MAGI2: variants seen among roughly 807,000 people sequenced by gnomAD.
The protein encoded by MAGI2 is membrane associated guanylate kinase, WW and PDZ domain containing 2.
In MAGI2, 35 loss-of-function variants were observed where a neutral mutation model predicts 133.3. The ratio of observed to expected loss-of-function variants is 0.26; its 90% CI spans 0.20 to 0.35. MAGI2 has a LOEUF of 0.35. Ranked by LOEUF, MAGI2 falls within the 10% of genes least tolerant of loss-of-function variation. The pLI is 1.00. For missense variants in MAGI2, 1,636 were observed against 1,863.4 expected (o/e 0.88, Z 2.25); for synonymous variants, 729 against 710.6 (o/e 1.03, Z -0.41).
intron 9 of MAGI2, among the ~76,000 whole-genome samples, chr7:78,266,438 A>G (rs1794012497): frequency 6.6e-6 from 1 of 152,084 alleles, no homozygotes; most frequent in Non-Finnish European, 1.5e-5. Flanking sequence ...CCTGGACTCA[A>G]GCAATCTGCC....
rs1827633855 is a variant in MAGI2, at chr7:78,185,778, A to G, written c.2270-108T>C. 13 of 757,244 alleles carry G rather than the reference A, an allele frequency of 1.7e-5. 1 individual carries two copies. In the South Asian group the frequency reaches 3.4e-4, roughly 20 times the overall value. 46.9% of individuals were successfully genotyped at this position (757,244 alleles called of 1,614,324 possible). On this transcript the variant is annotated intron_variant, in intron 12 of 21. Transcript: ENST00000354212. ...ATAACTCCCCCAACCACAATCTCAT[A>G]CTTATGTTTAAGACTTTTTTTTTCC...
chr7:78,895,537 C>T (rs1797143600), intron 2 of MAGI2, among the ~76,000 whole-genome samples: 1 of 151,160 alleles, frequency 6.6e-6, no homozygotes, highest in Non-Finnish European at 1.5e-5. Flanking sequence ...AAAAAAGTGG[C>T]TTTACTCAGT....
chr7:79,392,095 A>T (rs976615351), intron 1 of MAGI2, among the ~76,000 whole-genome samples: 2 of 152,136 alleles, frequency 1.3e-5, no homozygotes, highest in South Asian at 2.1e-4. Context: ...ACTTATGAGT[A>T]AGAACATCTG....
In MAGI2 at chr7:78,978,371, C is replaced by T. The variant is rs982497327; in HGVS notation, c.418+28719G>A. 2.6e-5 allele frequency among the ~76,000 whole-genome samples: 4 copies of T among 151,804 alleles called. No homozygotes were observed. In the East Asian group the frequency reaches 7.8e-4, roughly 30 times the overall value. On this transcript the variant is annotated intron_variant, in intron 2 of 21. Coordinates refer to ENST00000354212, the MANE Select transcript of MAGI2 (RefSeq NM_012301.4). ...ATGAGTTATGAAGACACATGAAAGACATGCATGAATTGTCAACCCATTTTT... is the reference window on the plus strand; with the variant it reads ...ATGAGTTATGAAGACACATGAAAGATATGCATGAATTGTCAACCCATTTTT...
intron 2 of MAGI2, among the ~76,000 whole-genome samples, chr7:78,952,734 A>C (rs1382801249): frequency 1.3e-5 from 2 of 152,178 alleles, no homozygotes; most frequent in Admixed American, 1.3e-4. Context: ...GCAGACTTTT[A>C]GATGGATTTA....
In MAGI2 at chr7:79,045,441, T is replaced by C. The variant is rs1018453758; in HGVS notation, c.302-38235A>G. On this transcript the variant is annotated intron_variant, in intron 1 of 21. Coordinates refer to ENST00000354212, the MANE Select transcript of MAGI2 (RefSeq NM_012301.4). ...CTTCATGATGTTATATAAATGAAGG[T>C]ACATGGTATATAATCTTTGAGATTG... Among the ~76,000 whole-genome samples the C allele has an allele frequency of 5.3e-5, 8 of 152,238 alleles. No individual in the cohort carries two copies. The East Asian group carries it at 1.5e-3, about 29-fold the overall frequency.
At chr7:79,329,432 T>C (rs1585592915) in intron 1 of MAGI2, among the ~76,000 whole-genome samples, 2 of 152,346 alleles carry the variant, frequency 1.3e-5, no homozygotes, top group Admixed American at 6.5e-5. Context: ...AGTTATTAAA[T>C]AAAAGGAAGT....
At chr7:78,133,922 T>C (rs185995565) in intron 17 of MAGI2, among the ~76,000 whole-genome samples, 1 of 152,242 alleles carries the variant, frequency 6.6e-6, no homozygotes, top group East Asian at 1.9e-4. Flanking sequence ...CCCCCCCCTT[T>C]TTTCCCCACA....
chr7:78,901,638 T>C (rs922422738), intron 2 of MAGI2: 1 of 151,882 alleles, frequency 6.6e-6, no homozygotes, highest in African/African-American at 2.4e-5. Context: ...TTTGTTGGTG[T>C]CATGTAGACA....
intron 2 of MAGI2, among the ~76,000 whole-genome samples, chr7:78,651,351 G>GT (rs550867267): frequency 8.5e-4 from 126 of 147,996 alleles, no homozygotes; most frequent in South Asian, 7.3e-3. Context: ...GATGAGGTAA[G>GT]TTTTTTTTTT....
intron 20 of MAGI2, among the ~76,000 whole-genome samples, chr7:78,113,729 C>T (rs149245669): frequency 1.6e-3 from 238 of 152,228 alleles, no homozygotes; most frequent in Middle Eastern, 6.8e-3. Flanking sequence ...CTTAATAATG[C>T]ATTTCTCAGA....
At chr7:78,806,867 C>CAAAATAAAATAAAATAAAATAAAAT (rs150570172) in intron 2 of MAGI2, among the ~76,000 whole-genome samples, 2 of 128,756 alleles carry the variant, frequency 1.6e-5, no homozygotes, top group African/African-American at 5.9e-5. Context: ...CACCCTGTCT[C>CAAAATAAAATAAAATAAAATAAAAT]AAAATAAAAT....
chr7:78,791,102 C>A (rs1408619330), intron 2 of MAGI2, among the ~76,000 whole-genome samples: 6 of 152,078 alleles, frequency 3.9e-5, no homozygotes, highest in Non-Finnish European at 5.9e-5. Flanking sequence ...AGAAAAACAA[C>A]AGGTTTGAGT....
rs552254769 is a variant in MAGI2, at chr7:78,017,100, C to CA, written c.*2214dup. 6 of 152,598 alleles carry CA rather than the reference C, an allele frequency of 3.9e-5. No homozygotes were observed. Among genetic ancestry groups the CA allele is most frequent in the Non-Finnish European group, 8.8e-5 (6 of 68,040 alleles). The allele number at this position is 152,598 out of a possible 1,614,324, so 9.5% of individuals were successfully genotyped here. A position where few individuals can be genotyped will look rare whatever the true frequency, so the allele number is the denominator to read the frequency against. The stretch of plus-strand genomic sequence containing the variant: ...ATTTTTGGATATATATTTTATTTGA[C>CA]AGTGTTTTAGAATATCATACAGTAA... On this transcript the variant is annotated 3_prime_UTR_variant, in exon 22 of 22. Coordinates refer to ENST00000354212, the MANE Select transcript of MAGI2 (RefSeq NM_012301.4).
intron 2 of MAGI2, among the ~76,000 whole-genome samples, chr7:78,649,432 A>T (rs1232284402): frequency 6.6e-6 from 1 of 152,042 alleles, no homozygotes; most frequent in African/African-American, 2.4e-5. Context: ...ATCTACAATC[A>T]TGGCGAAATT....
rs57740248 is a variant in MAGI2, at chr7:79,299,554, C to CA, written c.301+153465dup. 9.4e-3 allele frequency among the ~76,000 whole-genome samples: 793 copies of CA among 84,676 alleles called. 32 individuals are homozygous for CA. The highest frequency in any genetic ancestry group is 0.032 in the African/African-American group (702 of 21,700). 55.6% of individuals were successfully genotyped at this position (84,676 alleles called of 152,430 possible). On this transcript the variant is annotated intron_variant, in intron 1 of 21. Transcript: ENST00000354212. Reference sequence around the variant, plus strand: ...CTGGAGACAGAGCAAGACTCCATCTCAAAAAAAAAAAAAAAAAAAGATATC... The same window carrying CA: ...CTGGAGACAGAGCAAGACTCCATCTCAAAAAAAAAAAAAAAAAAAAGATATC...
chr7:79,434,517 A>C (rs934679221), intron 1 of MAGI2, among the ~76,000 whole-genome samples: 3 of 152,128 alleles, frequency 2.0e-5, no homozygotes, highest in Non-Finnish European at 4.4e-5. Context: ...GATTTTGGGG[A>C]AAAAAATACT....
chr7:78,576,951 A>G (rs773737546), intron 3 of MAGI2, among the ~76,000 whole-genome samples: 1 of 152,118 alleles, frequency 6.6e-6, no homozygotes, highest in Non-Finnish European at 1.5e-5. Context: ...CAAACAAGCA[A>G]GCAAACAAAA....
At chr7:78,797,257 A>C (rs1173122409) in intron 2 of MAGI2, among the ~76,000 whole-genome samples, 1 of 152,164 alleles carries the variant, frequency 6.6e-6, no homozygotes, top group Non-Finnish European at 1.5e-5. Flanking sequence ...ACAATATATA[A>C]AACTATATCA....
Sources: allele counts gnomAD v4.1 joint callset (sites outside exome capture counted in the v4.1 genomes callset), GRCh38; gene constraint gnomAD v4.1.1; transcripts MANE v1.5; gene names NCBI Gene and HGNC (gene_info 2026-07-23, HGNC 2026-07-21).